FHOD3: variants seen among roughly 807,000 people sequenced by gnomAD.
The protein encoded by FHOD3 is formin homology 2 domain containing 3.
FHOD3 carries 90 observed loss-of-function variants against 173.0 expected under a neutral mutation model. That is an observed-to-expected ratio of 0.52 (90% CI 0.44 to 0.62). The LOEUF is 0.62. Among genes scored for constraint, FHOD3 ranks in the 20% least tolerant of loss-of-function variants. The pLI, the probability that FHOD3 is intolerant of heterozygous loss-of-function variation, is 0.00. For synonymous variants in FHOD3, 828 were observed against 823.0 expected, an observed-to-expected ratio of 1.01 and a Z score of -0.10; for missense variants, 1,945 against 2,034.7, an observed-to-expected ratio of 0.96 and a Z score of 0.85.
intron 2 of FHOD3, among the ~76,000 whole-genome samples, chr18:36,357,025 A>T (rs1406788835): frequency 6.6e-6 from 1 of 152,104 alleles, no homozygotes; most frequent in Non-Finnish European, 1.5e-5. Context: ...TTTCCAAATA[A>T]TGCTCAGCTA....
chr18:36,528,556 T>C (rs2056634656), intron 5 of FHOD3, among the ~76,000 whole-genome samples: 1 of 152,214 alleles, frequency 6.6e-6, no homozygotes, highest in Non-Finnish European at 1.5e-5. Context: ...ACAACCTGGA[T>C]ACATCTGAGC....
chr18:36,762,796 A>G (rs2042936710), intron 27 of FHOD3, among the ~76,000 whole-genome samples: 1 of 148,532 alleles, frequency 6.7e-6, no homozygotes, highest in Non-Finnish European at 1.5e-5. Flanking sequence ...ACTCTGTCTC[A>G]AAATATATAT....
intron 3 of FHOD3, among the ~76,000 whole-genome samples, chr18:36,465,676 G>A (rs930508960): frequency 6.6e-6 from 1 of 152,106 alleles, no homozygotes; most frequent in African/African-American, 2.4e-5. Flanking sequence ...CTTAAACCAA[G>A]GATCCTAAGT....
At chr18:36,571,226 A>G (rs568471537) in intron 5 of FHOD3, among the ~76,000 whole-genome samples, 9 of 152,208 alleles carry the variant, frequency 5.9e-5, no homozygotes, top group Non-Finnish European at 1.3e-4. Flanking sequence ...TATACTAACA[A>G]TAAACAATTA....
At chr18:36,464,385 G>T (rs910833819) in intron 3 of FHOD3, among the ~76,000 whole-genome samples, 4 of 152,172 alleles carry the variant, frequency 2.6e-5, no homozygotes, top group African/African-American at 4.8e-5. Context: ...TATTTGAGAT[G>T]TGCAGCGGGG....
intron 10 of FHOD3, among the ~76,000 whole-genome samples, chr18:36,642,524 G>A (rs9952663): frequency 0.071 from 10,482 of 148,376 alleles, 642 homozygotes; most frequent in East Asian, 0.24. Context: ...CGGAGCTTAC[G>A]GTGAGCCGAG....
intron 3 of FHOD3, among the ~76,000 whole-genome samples, chr18:36,462,520 A>G (rs2052619776): frequency 1.3e-5 from 2 of 151,918 alleles, no homozygotes; most frequent in South Asian, 4.2e-4. Flanking sequence ...TTTAGTAGAG[A>G]TGGGGTTTCA....
chr18:36,634,838 T>A (rs1202549961), intron 10 of FHOD3, among the ~76,000 whole-genome samples: 1 of 151,932 alleles, frequency 6.6e-6, no homozygotes, highest in Non-Finnish European at 1.5e-5. Flanking sequence ...AAGGTAATTG[T>A]TAAATGAATA....
At chr18:36,563,296 A>G (rs1053576970) in intron 5 of FHOD3, among the ~76,000 whole-genome samples, 1 of 152,228 alleles carries the variant, frequency 6.6e-6, no homozygotes, top group Non-Finnish European at 1.5e-5. Flanking sequence ...TTGTGGAATC[A>G]TGTCTGAAAC....
At chr18:36,594,427 T>A (rs1599792198) in intron 6 of FHOD3, among the ~76,000 whole-genome samples, 1 of 152,242 alleles carries the variant, frequency 6.6e-6, no homozygotes, top group South Asian at 2.1e-4. Context: ...TACCTCACAG[T>A]GTTATAGCTG....
chr18:36,622,829 G>A (rs535957206), intron 9 of FHOD3, among the ~76,000 whole-genome samples: 5 of 152,334 alleles, frequency 3.3e-5, no homozygotes, highest in South Asian at 2.1e-4. Context: ...AAATGCCACC[G>A]TAGCCTAGCA....
chr18:36,752,737 T>A (rs886432354), intron 24 of FHOD3, among the ~76,000 whole-genome samples: 1 of 152,196 alleles, frequency 6.6e-6, no homozygotes, highest in Non-Finnish European at 1.5e-5. Context: ...AAGTTTGGAT[T>A]CCCTGTGCAT....
chr18:36,691,636 A>G (rs1183092454), intron 16 of FHOD3, among the ~76,000 whole-genome samples: 1 of 152,192 alleles, frequency 6.6e-6, no homozygotes, highest in Non-Finnish European at 1.5e-5. Context: ...CCAAGCCTGA[A>G]GTGTTTGTGT....
intron 25 of FHOD3, among the ~76,000 whole-genome samples, chr18:36,757,091 T>G (rs1167042885): frequency 1.3e-5 from 2 of 152,250 alleles, no homozygotes; most frequent in Non-Finnish European, 2.9e-5. Flanking sequence ...CTTGCTAAAT[T>G]CTTGAGATTT....
intron 8 of FHOD3, among the ~76,000 whole-genome samples, chr18:36,603,125 A>G (rs1162114183): frequency 6.6e-6 from 1 of 152,220 alleles, no homozygotes; most frequent in Non-Finnish European, 1.5e-5. Flanking sequence ...ACACCTTAAT[A>G]TCAGACTTCT....
intron 27 of FHOD3, among the ~76,000 whole-genome samples, chr18:36,767,702 C>T (rs991529090): frequency 2.0e-5 from 3 of 152,164 alleles, no homozygotes; most frequent in African/African-American, 7.2e-5. Flanking sequence ...CACCTGGTGT[C>T]CTGGCTCTCC....
chr18:36,594,465 G>A (rs900226891), intron 6 of FHOD3, among the ~76,000 whole-genome samples: 5 of 152,178 alleles, frequency 3.3e-5, no homozygotes, highest in Non-Finnish European at 7.3e-5. Context: ...AATCGATTCA[G>A]CACATACTCG....
chr18:36,458,501 C>T (rs1287447890), intron 3 of FHOD3, among the ~76,000 whole-genome samples: 1 of 152,002 alleles, frequency 6.6e-6, no homozygotes, highest in Non-Finnish European at 1.5e-5. Context: ...AAACCAGAAC[C>T]AAGGATGGGG....
At chr18:36,450,410 G>A (rs1022672239) in intron 3 of FHOD3, among the ~76,000 whole-genome samples, 1 of 151,988 alleles carries the variant, frequency 6.6e-6, no homozygotes, top group African/African-American at 2.4e-5. Flanking sequence ...AAGATAGGAT[G>A]AGTGTTAGAC....
Sources: allele counts gnomAD v4.1 joint callset (sites outside exome capture counted in the v4.1 genomes callset), GRCh38; gene constraint gnomAD v4.1.1; transcripts MANE v1.5; gene names NCBI Gene and HGNC (gene_info 2026-07-23, HGNC 2026-07-21).